Variants in ARHGAP22 observed in about 807,000 individuals in gnomAD.
ARHGAP22 encodes the protein Rho GTPase activating protein 22, also known as rho GTPase-activating protein 22.
Under a neutral mutation model 59.1 loss-of-function variants are expected in ARHGAP22, and 48 were observed. The observed-to-expected ratio is 0.81, with a 90% confidence interval of 0.64 to 1.03. ARHGAP22 has a LOEUF of 1.03. Among genes scored for constraint, ARHGAP22 ranks in the 50% least tolerant of loss-of-function variants. The pLI is 0.00. For missense variants in ARHGAP22, 1,015 were observed against 958.7 expected, an observed-to-expected ratio of 1.06 and a Z score of -0.78; for synonymous variants, 445 against 416.4, an observed-to-expected ratio of 1.07 and a Z score of -0.84.
chr10:48,450,655 A>G lies in ARHGAP22; in HGVS notation c.1474T>C (p.Tyr492His). The G allele has an allele frequency of 3.2e-6, 5 of 1,550,212 alleles. No homozygotes were observed. The highest frequency in any genetic ancestry group is 4.4e-6 in the Non-Finnish European group (5 of 1,147,062). ...AGGCCCGGCGCGGGCACATTGTCGT[A>G]GGTGGAGAGTCTCTGCACGGAGCCC... Reference protein sequence around the residue: ...DSGSVQRLSTYDNVPAPGLVP... With the variant: ...DSGSVQRLSTHDNVPAPGLVP... Residue 492 changes from tyrosine to histidine, a missense_variant, in exon 9 of 10, where the codon TAC becomes CAC. By Grantham distance (83) the Tyr-to-His change is moderately conservative. Transcript: ENST00000249601.
chr10:48,538,318 T>C (rs78560647), intron 3 of ARHGAP22, among the ~76,000 whole-genome samples: 3,072 of 152,252 alleles, frequency 0.02, 105 homozygotes, highest in East Asian at 0.11. Context: ...ACCATTGGAT[T>C]TGGGGCCGCT....
chr10:48,623,305 G>A (rs2061343943), intron 1 of ARHGAP22, among the ~76,000 whole-genome samples: 1 of 152,250 alleles, frequency 6.6e-6, no homozygotes, highest in Non-Finnish European at 1.5e-5. Flanking sequence ...GGCAGCCTGG[G>A]TCTGACTGGC....
chr10:48,491,383 A>G (rs2050374143), intron 3 of ARHGAP22, among the ~76,000 whole-genome samples: 1 of 152,178 alleles, frequency 6.6e-6, no homozygotes, highest in African/African-American at 2.4e-5. Context: ...TTCTTGGGGA[A>G]TCTTTCCTGA....
At chr10:48,597,176 C>T (rs1453589550) in intron 1 of ARHGAP22, among the ~76,000 whole-genome samples, 2 of 152,094 alleles carry the variant, frequency 1.3e-5, no homozygotes, top group Non-Finnish European at 2.9e-5. Context: ...ACATGTGTCT[C>T]ATGTCTGCGA....
intron 1 of ARHGAP22, among the ~76,000 whole-genome samples, chr10:48,589,400 T>G (rs535478410): frequency 9.9e-5 from 15 of 152,162 alleles, no homozygotes; most frequent in Non-Finnish European, 1.9e-4. Flanking sequence ...TTGTCCCAGC[T>G]GTCTCTATTT....
chr10:48,462,111 G>C (rs1564696481), intron 4 of ARHGAP22, among the ~76,000 whole-genome samples: 1 of 152,240 alleles, frequency 6.6e-6, no homozygotes, highest in African/African-American at 2.4e-5. Flanking sequence ...TTAGGGAGAA[G>C]TGTGTACGCA....
At chr10:48,616,442 G>A (rs1248708634) in intron 1 of ARHGAP22, among the ~76,000 whole-genome samples, 1 of 152,058 alleles carries the variant, frequency 6.6e-6, no homozygotes, top group Admixed American at 6.5e-5. Context: ...AAGGAATAAT[G>A]GCCACTTTCC....
At chr10:48,542,466 G>T (rs2056049531) in intron 3 of ARHGAP22, among the ~76,000 whole-genome samples, 2 of 152,204 alleles carry the variant, frequency 1.3e-5, no homozygotes, top group Non-Finnish European at 2.9e-5. Flanking sequence ...TATGCTGAGG[G>T]CTGGGGCCCT....
intron 1 of ARHGAP22, among the ~76,000 whole-genome samples, chr10:48,585,817 T>G (rs2059393446): frequency 3.9e-5 from 6 of 152,184 alleles, no homozygotes. Context: ...GGAAGTGGGT[T>G]GTTTGCATGC....
intron 2 of ARHGAP22, chr10:48,582,682 G>A: frequency 3.9e-6 from 2 of 511,306 alleles, no homozygotes; most frequent in Non-Finnish European, 7.0e-6. Flanking sequence ...GAACATGGAA[G>A]ACGTTGTTTT....
At chr10:48,644,465 T>C (rs2062205722) in intron 1 of ARHGAP22, among the ~76,000 whole-genome samples, 1 of 152,206 alleles carries the variant, frequency 6.6e-6, no homozygotes. Flanking sequence ...CTCCTAACAA[T>C]GACTGCAGAA....
chr10:48,482,542 C>A (rs1337305200), intron 3 of ARHGAP22, among the ~76,000 whole-genome samples: 1 of 152,176 alleles, frequency 6.6e-6, no homozygotes, highest in African/African-American at 2.4e-5. Context: ...TATCTTATGA[C>A]AAAAGCATTC....
At chr10:48,593,626 A>C (rs1454591241) in intron 1 of ARHGAP22, among the ~76,000 whole-genome samples, 1 of 152,238 alleles carries the variant, frequency 6.6e-6, no homozygotes, top group African/African-American at 2.4e-5. Context: ...AGACAGTGTG[A>C]AGATGCTGGA....
At chr10:48,600,987 C>T (rs2060347197) in intron 1 of ARHGAP22, among the ~76,000 whole-genome samples, 2 of 152,176 alleles carry the variant, frequency 1.3e-5, no homozygotes, top group Admixed American at 1.3e-4. Flanking sequence ...TCTAATACGC[C>T]CCTTCTTCAG....
chr10:48,549,036 C>T (rs2056689880), intron 3 of ARHGAP22, among the ~76,000 whole-genome samples: 1 of 152,176 alleles, frequency 6.6e-6, no homozygotes, highest in African/African-American at 2.4e-5. Flanking sequence ...AGAGGTTAGT[C>T]CCAGGAGTGT....
chr10:48,486,590 T>C (rs2049885824), intron 3 of ARHGAP22, among the ~76,000 whole-genome samples: 1 of 152,234 alleles, frequency 6.6e-6, no homozygotes, highest in Admixed American at 6.5e-5. Context: ...TCCACCCGTT[T>C]TGACCTCCCA....
intron 2 of ARHGAP22, among the ~76,000 whole-genome samples, chr10:48,576,470 G>A (rs2058718175): frequency 6.6e-6 from 1 of 152,196 alleles, no homozygotes; most frequent in Admixed American, 6.5e-5. Context: ...GTCTCAACGT[G>A]AGAAATTACA....
In ARHGAP22 at chr10:48,562,702, C is replaced by G. The variant is rs2057766456; in HGVS notation, c.235-7152G>C. The stretch of plus-strand genomic sequence containing the variant: ...TGGCAGTGATGGATATGTTTGCTGC[C>G]TTGATTGTGGTGATAGTGTCACAGA... On this transcript the variant is annotated intron_variant, in intron 2 of 9. Coordinates refer to ENST00000249601, the MANE Select transcript of ARHGAP22 (RefSeq NM_021226.4). Among the ~76,000 whole-genome samples the G allele has an allele frequency of 3.3e-5, 5 of 152,144 alleles. No individual in the cohort carries two copies. The South Asian group carries it at 1.0e-3, about 32-fold the overall frequency.
chr10:48,539,036 G>A (rs1024292521), intron 3 of ARHGAP22, among the ~76,000 whole-genome samples: 3 of 152,192 alleles, frequency 2.0e-5, no homozygotes, highest in African/African-American at 7.2e-5. Context: ...AAACTCAAAG[G>A]ATAATATTGG....
Sources: allele counts gnomAD v4.1 joint callset (sites outside exome capture counted in the v4.1 genomes callset), GRCh38; gene constraint gnomAD v4.1.1; transcripts MANE v1.5; gene names NCBI Gene and HGNC (gene_info 2026-07-23, HGNC 2026-07-21).